The following NMI variants were observed in gnomAD, a reference collection of about 807,000 sequenced individuals.
NMI encodes the protein N-myc and STAT interactor.
NMI carries 39 observed loss-of-function variants against 34.3 expected under a neutral mutation model. The observed-to-expected ratio is 1.14, with a 90% confidence interval of 0.88 to 1.49. The LOEUF is 1.49. Ranked by LOEUF, NMI falls within the 40% of genes most tolerant of loss-of-function variation. The pLI is 0.00. For missense variants in NMI, 339 were observed against 358.1 expected (o/e 0.95, Z 0.43); for synonymous variants, 113 against 120.3 (o/e 0.94, Z 0.40).
chr2:151,274,169 C>T (rs946197360), intron 6 of NMI, among the ~76,000 whole-genome samples: 1 of 150,974 alleles, frequency 6.6e-6, no homozygotes, highest in Non-Finnish European at 1.5e-5. Flanking sequence ...ATGGTGAAAC[C>T]CCGTCTCTAC....
intron 3 of NMI, among the ~76,000 whole-genome samples, chr2:151,280,433 G>A (rs944774595): frequency 1.3e-5 from 2 of 152,134 alleles, no homozygotes; most frequent in Non-Finnish European, 2.9e-5. Flanking sequence ...AACTCCAGTG[G>A]AACTTCTGAT....
At chr2:151,276,021 T>C (rs1683288961) in intron 4 of NMI, among the ~76,000 whole-genome samples, 157 bp from the exon 5 acceptor site, 1 of 152,150 alleles carries the variant, frequency 6.6e-6, no homozygotes, top group South Asian at 2.1e-4. Context: ...CAAGTGATAA[T>C]GGTCTTGCTA....
chr2:151,272,113 T>C (rs1683199066), intron 6 of NMI, among the ~76,000 whole-genome samples: 2 of 152,188 alleles, frequency 1.3e-5, no homozygotes, highest in Admixed American at 1.3e-4. Flanking sequence ...GTGAAAACTA[T>C]GATTAGAATA....
chr2:151,274,764 C>A (rs2105203460), intron 6 of NMI, among the ~76,000 whole-genome samples: 1 of 152,142 alleles, frequency 6.6e-6, no homozygotes, highest in East Asian at 1.9e-4. Flanking sequence ...GCATGAGCCA[C>A]CGGGCCCGGC....
intron 3 of NMI, among the ~76,000 whole-genome samples, chr2:151,279,488 T>A (rs1683350157): frequency 6.6e-6 from 1 of 152,156 alleles, no homozygotes; most frequent in Non-Finnish European, 1.5e-5. Context: ...TATTTATTTA[T>A]TTATTTTGAG....
intron 6 of NMI, among the ~76,000 whole-genome samples, chr2:151,272,884 C>A (rs1199093963): frequency 6.6e-6 from 1 of 152,014 alleles, no homozygotes; most frequent in African/African-American, 2.4e-5. Flanking sequence ...CTAGAATAGG[C>A]AAATTCATAG....
chr2:151,281,199 C>G (rs1457636357), intron 3 of NMI, among the ~76,000 whole-genome samples: 1 of 151,990 alleles, frequency 6.6e-6, no homozygotes, highest in African/African-American at 2.4e-5. Context: ...AAATTATGTA[C>G]AATTAAAATA....
At chr2:151,275,715 T>C (rs969066141) in intron 5 of NMI, 43 bp downstream of exon 5, 7 of 1,609,834 alleles carry the variant, frequency 4.3e-6, no homozygotes, top group Non-Finnish European at 6.0e-6. Flanking sequence ...AGAGAAGTGC[T>C]TGTGATGAAC....
chr2:151,271,828 A>T (rs563214318), intron 6 of NMI, 96 bp from the exon 7 acceptor site: 3 of 627,556 alleles, frequency 4.8e-6, no homozygotes. Flanking sequence ...TATTACAGTA[A>T]ATATTGAGTT....
At chr2:151,277,941 G>A (rs1683319418) in intron 4 of NMI, 1 of 151,978 alleles carries the variant, frequency 6.6e-6, no homozygotes, top group Non-Finnish European at 1.5e-5. Flanking sequence ...GGACTCTCAG[G>A]GTTTGGCTCT....
chr2:151,276,570 T>A (rs1487805079), intron 4 of NMI, among the ~76,000 whole-genome samples: 2 of 152,208 alleles, frequency 1.3e-5, no homozygotes, highest in Non-Finnish European at 2.9e-5. Flanking sequence ...AGTACATTAA[T>A]GCACAGCCAG....
Position 151,275,556 on chromosome 2 carries a change from CT to C in NMI, c.561del (p.Gly188AlafsTer30), listed in dbSNP as rs778243891. Reference sequence around the variant, plus strand: ...TAGTCCACGCGGTCCACCTCTCCGCCTCCATTTCGGGACTTTGAAAAGCTCA... The same window carrying C: ...TAGTCCACGCGGTCCACCTCTCCGCCCCATTTCGGGACTTTGAAAAGCTCA... ...LELSFSKSRN[G>X]GGEVDRVDYD... On this transcript the variant is annotated frameshift_variant, in exon 6 of 8. Transcript: ENST00000243346. LOFTEE classifies it high-confidence loss of function. The C allele has an allele frequency of 3.3e-5, 54 of 1,614,080 alleles. No homozygotes were observed. Among genetic ancestry groups the C allele is most frequent in the Non-Finnish European group, 4.3e-5 (51 of 1,180,038 alleles).
chr2:151,273,115 TAAA>T (rs79100114), intron 6 of NMI, among the ~76,000 whole-genome samples: 3 of 146,050 alleles, frequency 2.1e-5, no homozygotes, highest in African/African-American at 5.1e-5. Flanking sequence ...TTATCACAGT[TAAA>T]AAAAAAAAAA....
intron 3 of NMI, among the ~76,000 whole-genome samples, chr2:151,281,298 C>T (rs999104117): frequency 2.0e-5 from 3 of 152,102 alleles, no homozygotes; most frequent in East Asian, 3.8e-4. Context: ...TACCAAAGCA[C>T]CTTGGATGAG....
rs1303422797 is a variant in NMI at position 151,280,126 on chromosome 2, C to T, written c.178-1136G>A. Among the ~76,000 whole-genome samples, 5 of 145,110 alleles carry T rather than the reference C, an allele frequency of 3.4e-5. No individual in the cohort carries two copies. The South Asian group carries it at 1.1e-3, about 31-fold the overall frequency. ...AGGAGAATCGCTTGAACCAGGGAGG[C>T]GGATGTTGTAGTGAACCGAGATCGC... On this transcript the variant is annotated intron_variant, in intron 3 of 7. Coordinates refer to ENST00000243346, the MANE Select transcript of NMI (RefSeq NM_004688.3).
At chr2:151,284,389 C>G (rs964088935) in intron 1 of NMI, among the ~76,000 whole-genome samples, 3 of 152,016 alleles carry the variant, frequency 2.0e-5, no homozygotes, top group Admixed American at 2.0e-4. Flanking sequence ...GCCTCAACAT[C>G]CCTGACTCAA....
At chr2:151,278,420 A>C (rs925462682) in intron 4 of NMI, 1 of 156,016 alleles carries the variant, frequency 6.4e-6, no homozygotes, top group African/African-American at 2.4e-5. Flanking sequence ...TGGCATGTCT[A>C]TATTTAAAGT....
intron 4 of NMI, among the ~76,000 whole-genome samples, chr2:151,276,229 C>A (rs1445611348): frequency 1.3e-5 from 2 of 151,946 alleles, no homozygotes; most frequent in Non-Finnish European, 2.9e-5. Flanking sequence ...ATTTTTTTAA[C>A]TTTTTGTAGA....
intron 3 of NMI, among the ~76,000 whole-genome samples, chr2:151,280,153 C>T (rs1415535871): frequency 6.6e-6 from 1 of 150,802 alleles, no homozygotes; most frequent in East Asian, 1.9e-4. Context: ...CGAGATCGCA[C>T]CATTGCATTC....
Sources: allele counts gnomAD v4.1 joint callset (sites outside exome capture counted in the v4.1 genomes callset), GRCh38; gene constraint gnomAD v4.1.1; transcripts MANE v1.5; gene names NCBI Gene and HGNC (gene_info 2026-07-23, HGNC 2026-07-21).